Variants in UNC5C observed in about 807,000 individuals in gnomAD.
UNC5C encodes the protein netrin receptor UNC5C.
Under a neutral mutation model 99.8 loss-of-function variants are expected in UNC5C, and 47 were observed. That is an observed-to-expected ratio of 0.47 (90% CI 0.37 to 0.60). UNC5C has a LOEUF of 0.60. Among genes scored for constraint, UNC5C ranks in the 20% least tolerant of loss-of-function variants. The pLI, the probability that UNC5C is intolerant of heterozygous loss-of-function variation, is 0.00. For missense variants in UNC5C, 1,062 were observed against 1,165.9 expected, an observed-to-expected ratio of 0.91 and a Z score of 1.30; for synonymous variants, 487 against 452.2, an observed-to-expected ratio of 1.08 and a Z score of -0.98.
At chr4:95,276,827 T>C (rs1740879012) in intron 4 of UNC5C, among the ~76,000 whole-genome samples, 1 of 151,972 alleles carries the variant, frequency 6.6e-6, no homozygotes, top group Non-Finnish European at 1.5e-5. Flanking sequence ...AGATGCCAAA[T>C]TAAGGCAAAA....
rs567583946 is a variant in UNC5C, at chr4:95,245,333, GA to G, written c.776-190del. ...TCCAAAGTTTTATTGTATAGACAGA[GA>G]AAAAAAAAAGTTTGTCAAGATTTAC... On this transcript the variant is annotated intron_variant, in intron 5 of 15. Transcript: ENST00000453304. Among the ~76,000 whole-genome samples the G allele has an allele frequency of 1.1e-4, 17 of 148,446 alleles. No individual in the cohort carries two copies. In the East Asian group the frequency reaches 1.6e-3, roughly 14 times the overall value.
chr4:95,332,303 C>T (rs1743145623), intron 2 of UNC5C, among the ~76,000 whole-genome samples: 1 of 150,308 alleles, frequency 6.7e-6, no homozygotes, highest in South Asian at 2.2e-4. Context: ...AGGCATCACA[C>T]TACCTGACTT....
At chr4:95,233,847 A>G (rs1159371393) in intron 7 of UNC5C, among the ~76,000 whole-genome samples, 1 of 152,174 alleles carries the variant, frequency 6.6e-6, no homozygotes, top group East Asian at 1.9e-4. Flanking sequence ...AGGCAGGAGA[A>G]TTGCTTAAAC....
chr4:95,174,984 T>C (rs1239064326), intron 14 of UNC5C, among the ~76,000 whole-genome samples: 3 of 151,742 alleles, frequency 2.0e-5, no homozygotes, highest in Non-Finnish European at 2.9e-5. Flanking sequence ...ATTGATCCCT[T>C]TACCATTATG....
intron 1 of UNC5C, among the ~76,000 whole-genome samples, chr4:95,370,993 G>T (rs1365293147): frequency 6.6e-6 from 1 of 152,148 alleles, no homozygotes; most frequent in African/African-American, 2.4e-5. Flanking sequence ...GGGTCCTGGG[G>T]CCATTAGGAA....
intron 1 of UNC5C, among the ~76,000 whole-genome samples, chr4:95,501,404 G>A (rs903555125): frequency 2.6e-5 from 4 of 152,006 alleles, no homozygotes; most frequent in Non-Finnish European, 2.9e-5. Flanking sequence ...ATTAAGAGAA[G>A]TTAAAAGAAG....
chr4:95,532,465 A>AG (rs57888883), intron 1 of UNC5C, among the ~76,000 whole-genome samples: 1 of 150,890 alleles, frequency 6.6e-6, no homozygotes, highest in Non-Finnish European at 1.5e-5. Context: ...AAAAAAAAAA[A>AG]TCCCGATTAC....
rs1390266273 is a variant in UNC5C, at chr4:95,250,572, T to C, written c.690A>G (p.Arg230=). 1 of 1,613,750 alleles carries C rather than the reference T, an allele frequency of 6.2e-7. No homozygotes were observed. Among genetic ancestry groups the C allele is most frequent in the Non-Finnish European group, 8.5e-7 (1 of 1,179,902 alleles). ...IDHNLIIKQA[R]LSDTANYTCV... is the part of the protein sequence containing the mutation. ...AGGTGTAATTTGCAGTATCAGAGAG[T>C]CGGGCCTGCTTTATGATGAGGTTGT... The change falls in exon 5 of 16, where the codon CGA becomes CGG. Residue 230 remains arginine, a synonymous_variant. Coordinates refer to ENST00000453304, the MANE Select transcript of UNC5C (RefSeq NM_003728.4).
intron 1 of UNC5C, among the ~76,000 whole-genome samples, chr4:95,421,086 C>A (rs6816601): frequency 0.95 from 144,190 of 152,192 alleles, 68,359 homozygotes; most frequent in African/African-American, 0.98. Flanking sequence ...TCCCCTTCTC[C>A]ATTATTAGAC....
At chr4:95,369,134 C>T (rs1039887182) in intron 1 of UNC5C, among the ~76,000 whole-genome samples, 1 of 152,044 alleles carries the variant, frequency 6.6e-6, no homozygotes, top group Admixed American at 6.6e-5. Context: ...GCTGGGATTA[C>T]AGGCATGAGC....
intron 7 of UNC5C, among the ~76,000 whole-genome samples, chr4:95,223,678 C>T (rs545889964): frequency 7.2e-5 from 11 of 152,236 alleles, no homozygotes; most frequent in African/African-American, 2.6e-4. Flanking sequence ...TTGTCTGAGT[C>T]CATGTATTAG....
At chr4:95,470,841 C>T (rs971006276) in intron 1 of UNC5C, among the ~76,000 whole-genome samples, 1 of 152,020 alleles carries the variant, frequency 6.6e-6, no homozygotes, top group African/African-American at 2.4e-5. Flanking sequence ...GCAGAAATTA[C>T]TAATTATTCA....
chr4:95,510,399 A>T (rs1209945786), intron 1 of UNC5C, among the ~76,000 whole-genome samples: 1 of 152,074 alleles, frequency 6.6e-6, no homozygotes, highest in Admixed American at 6.6e-5. Context: ...GCTGCCTTAA[A>T]AACACTAGCT....
At chr4:95,454,190 C>A (rs192006659) in intron 1 of UNC5C, among the ~76,000 whole-genome samples, 1 of 152,184 alleles carries the variant, frequency 6.6e-6, no homozygotes, top group African/African-American at 2.4e-5. Context: ...GAACAACTGA[C>A]ACTCTTCATT....
At chr4:95,170,081 C>A in intron 15 of UNC5C, 73 bp downstream of exon 15, 1 of 1,528,302 alleles carries the variant, frequency 6.5e-7, no homozygotes, top group Non-Finnish European at 8.8e-7. Context: ...GAAGCTAACC[C>A]TACGTCTAAT....
chr4:95,374,024 C>T (rs1027778166), intron 1 of UNC5C, among the ~76,000 whole-genome samples: 1 of 152,016 alleles, frequency 6.6e-6, no homozygotes, highest in African/African-American at 2.4e-5. Flanking sequence ...ACATTATAAG[C>T]AAGTTGACAT....
chr4:95,312,095 A>AC (rs1742298870), intron 2 of UNC5C, among the ~76,000 whole-genome samples: 1 of 151,712 alleles, frequency 6.6e-6, no homozygotes, highest in South Asian at 2.1e-4. Flanking sequence ...AACAAAAAAA[A>AC]CCCCAAAACC....
chr4:95,541,903 G>A (rs1242524014), intron 1 of UNC5C, among the ~76,000 whole-genome samples: 1 of 152,122 alleles, frequency 6.6e-6, no homozygotes, highest in Non-Finnish European at 1.5e-5. Context: ...GACTAAAACT[G>A]AGAAATACTA....
chr4:95,543,920 A>G (rs1359145508), intron 1 of UNC5C, among the ~76,000 whole-genome samples: 3 of 152,180 alleles, frequency 2.0e-5, no homozygotes, highest in Non-Finnish European at 4.4e-5. Context: ...GGAGTTTACA[A>G]TGATCTACTC....
Sources: gnomAD v4.1 joint callset for allele counts (sites outside exome capture counted in the v4.1 genomes callset) on GRCh38, gnomAD v4.1.1 for gene constraint, MANE v1.5 for transcripts, NCBI Gene and HGNC (gene_info 2026-07-23, HGNC 2026-07-21) for gene names.